ACACA: variants seen among roughly 807,000 people sequenced by gnomAD.
ACACA encodes acetyl-CoA carboxylase 1.
ACACA carries 103 observed loss-of-function variants against 296.1 expected under a neutral mutation model. The ratio of observed to expected loss-of-function variants is 0.35; its 90% CI spans 0.30 to 0.41. The LOEUF is 0.41. Among genes scored for constraint, ACACA ranks in the 10% least tolerant of loss-of-function variants. The pLI, the probability that ACACA is intolerant of heterozygous loss-of-function variation, is 1.00. For missense variants in ACACA, 1,554 were observed against 2,989.7 expected (o/e 0.52, Z 11.20); for synonymous variants, 953 against 1,038.6 (o/e 0.92, Z 1.58).
Position 37,405,960 on chromosome 17 carries a change from T to C in ACACA, c.38+302A>G, listed in dbSNP as rs1290141096. On this transcript the variant is annotated intron_variant, in intron 1 of 55. Coordinates refer to ENST00000616317, the MANE Select transcript of ACACA (RefSeq NM_198834.3). ...AGTGTAAGTGAATTCTAAAAAAAGGTTGGGCAAATTTATCAAAGGCAGACT... is the reference window on the plus strand; with the variant it reads ...AGTGTAAGTGAATTCTAAAAAAAGGCTGGGCAAATTTATCAAAGGCAGACT... Among the ~76,000 whole-genome samples, 3 of 145,970 alleles carry C rather than the reference T, an allele frequency of 2.1e-5. No homozygotes were observed. In the East Asian group the frequency reaches 6.1e-4, roughly 30 times the overall value.
chr17:37,093,102 G>C lies in ACACA; in HGVS notation c.6891+3894C>G, dbSNP rs111292528. On this transcript the variant is annotated intron_variant, in intron 54 of 55. Transcript: ENST00000616317. ...ACCTCCTCCCTGCCTGGCCCTGTGTGAGAAGTTTGGTGTATGAGACTTATT... is the reference window on the plus strand; with the variant it reads ...ACCTCCTCCCTGCCTGGCCCTGTGTCAGAAGTTTGGTGTATGAGACTTATT... Among the ~76,000 whole-genome samples, 533 of 152,314 alleles carry C rather than the reference G, an allele frequency of 3.5e-3. 2 individuals are homozygous for C. Among genetic ancestry groups the C allele is most frequent in the Non-Finnish European group, 5.4e-3 (369 of 68,030 alleles).
intron 55 of ACACA, among the ~76,000 whole-genome samples, chr17:37,088,631 C>T (rs1239211120): frequency 6.6e-6 from 1 of 152,184 alleles, no homozygotes; most frequent in African/African-American, 2.4e-5. Flanking sequence ...CCACCACACA[C>T]ACAATCAGCT....
intron 6 of ACACA, among the ~76,000 whole-genome samples, chr17:37,277,517 G>T (rs1028614964): frequency 6.6e-6 from 1 of 151,998 alleles, no homozygotes; most frequent in South Asian, 2.1e-4. Context: ...TCCTCTTTGG[G>T]CTTTAAGGTA....
At chr17:37,195,092 A>C (rs1371908868) in intron 35 of ACACA, among the ~76,000 whole-genome samples, 1 of 152,182 alleles carries the variant, frequency 6.6e-6, no homozygotes, top group Non-Finnish European at 1.5e-5. Context: ...CATTACCTAA[A>C]AAGTAACAAA....
At chr17:37,185,238 T>C (rs1435183322) in intron 39 of ACACA, among the ~76,000 whole-genome samples, 1 of 152,012 alleles carries the variant, frequency 6.6e-6, no homozygotes, top group Non-Finnish European at 1.5e-5. Flanking sequence ...AAAGGTGTTA[T>C]TTATTATTTT....
At chr17:37,276,929 G>T in intron 7 of ACACA, 104 bp downstream of exon 7, 2 of 956,680 alleles carry the variant, frequency 2.1e-6, no homozygotes, top group Non-Finnish European at 3.4e-6. Context: ...AAAAGAGAGA[G>T]AGAGCCCAGC....
intron 3 of ACACA, chr17:37,289,486 C>T (rs764843098): frequency 8.1e-6 from 11 of 1,351,858 alleles, no homozygotes; most frequent in Non-Finnish European, 1.1e-5. Context: ...TATCTTCAAC[C>T]CTCTAGGCAC....
At chr17:37,316,228 G>A (rs1287109556) in intron 3 of ACACA, among the ~76,000 whole-genome samples, 2 of 151,570 alleles carry the variant, frequency 1.3e-5, no homozygotes, top group Non-Finnish European at 2.9e-5. Context: ...TCAATGACTT[G>A]TAATTGCCTG....
intron 2 of ACACA, among the ~76,000 whole-genome samples, chr17:37,335,507 T>C (rs1408202315): frequency 1.3e-5 from 2 of 152,202 alleles, no homozygotes; most frequent in African/African-American, 4.8e-5. Flanking sequence ...TATCATTGTT[T>C]GAATGGCTCT....
chr17:37,150,447 C>G (rs897284215), intron 44 of ACACA, among the ~76,000 whole-genome samples: 2 of 151,884 alleles, frequency 1.3e-5, no homozygotes, highest in Non-Finnish European at 1.5e-5. Flanking sequence ...GAGGCCAAGG[C>G]AGGAAAACCA....
At chr17:37,153,600 A>G (rs1278180915) in intron 43 of ACACA, among the ~76,000 whole-genome samples, 10 of 152,208 alleles carry the variant, frequency 6.6e-5, no homozygotes, top group Admixed American at 2.6e-4. Context: ...GCAGACACAA[A>G]TATCTCATTA....
At position 37,274,249 on chromosome 17, in the gene ACACA, C is replaced by T. The variant is rs763658688; in HGVS notation, c.952G>A (p.Val318Ile). 3.7e-6 allele frequency: 6 copies of T among 1,614,196 alleles called. No homozygotes were observed. The South Asian group carries it at 6.6e-5, about 18-fold the overall frequency. Residue 318 changes from valine to isoleucine, a missense_variant, in exon 9 of 56, where the codon GTT (valine) becomes ATT (isoleucine). By Grantham distance (29) the Val-to-Ile change is conservative (BLOSUM62 3). Around this residue, in one of 16 missense-constraint regions of ACACA, gnomAD observed 47 missense variants for 55.4 expected, o/e 0.85. Coordinates refer to ENST00000616317, the MANE Select transcript of ACACA (RefSeq NM_198834.3). ...CCTTTTTCATATAGCTCCTGGGGAACATTTAAGATACGTTTTGAAAAATCA... is the reference window on the plus strand; with the variant it reads ...CCTTTTTCATATAGCTCCTGGGGAATATTTAAGATACGTTTTGAAAAATCA... ...ENDFSKRILN[V>I]PQELYEKGYV...
intron 35 of ACACA, among the ~76,000 whole-genome samples, chr17:37,194,514 T>C (rs1330620362): frequency 1.3e-5 from 2 of 152,208 alleles, no homozygotes; most frequent in African/African-American, 2.4e-5. Flanking sequence ...CCAGAGCCCA[T>C]GCCCTCTGAT....
intron 26 of ACACA, 122 bp downstream of exon 26, chr17:37,226,217 T>C: frequency 2.4e-6 from 2 of 834,038 alleles, no homozygotes; most frequent in South Asian, 2.7e-5. Flanking sequence ...GAGGAAAACG[T>C]GACACATATA....
In ACACA at chr17:37,122,573, T is replaced by C; in HGVS notation, c.6096A>G (p.Leu2032=). ...VVAVETRTVE[L]SIPADPANLD... ...GGTTTGCTGGATCAGCTGGGATACTTAGTTCTACTGTTCGGGTTTCTACAG... is the reference window on the plus strand; with the variant it reads ...GGTTTGCTGGATCAGCTGGGATACTCAGTTCTACTGTTCGGGTTTCTACAG... The change falls in exon 49 of 56, where the codon CTA becomes CTG. Residue 2032 remains leucine, a synonymous_variant. Coordinates refer to ENST00000616317, the MANE Select transcript of ACACA (RefSeq NM_198834.3). 1 of 1,614,204 alleles carries C rather than the reference T, an allele frequency of 6.2e-7. No homozygotes were observed. The highest frequency in any genetic ancestry group is 8.5e-7 in the Non-Finnish European group (1 of 1,180,020).
rs2083608567 is a variant in ACACA at position 37,301,369 on chromosome 17, G to A, written c.339-16399C>T. ...TAATCTACCATGAACAGTGTCCAAC[G>A]TAGACACATACCTGGCACAAAATCC... is the stretch of plus-strand genomic sequence containing the variant. On this transcript the variant is annotated intron_variant, in intron 3 of 55. Transcript: ENST00000616317. 1.5e-5 allele frequency: 15 copies of A among 985,066 alleles called. 1 individual carries two copies. The South Asian group carries it at 2.8e-4, about 19-fold the overall frequency. The allele number at this position is 985,066 out of a possible 1,614,324, so 61.0% of individuals were successfully genotyped here.
chr17:37,376,115 G>A, intron 1 of ACACA: 2 of 1,613,256 alleles, frequency 1.2e-6, no homozygotes, highest in Non-Finnish European at 1.7e-6. Flanking sequence ...TTGGTCTTCA[G>A]CCTAATCATT....
intron 48 of ACACA, among the ~76,000 whole-genome samples, chr17:37,123,132 G>T (rs529323356): frequency 1.3e-5 from 2 of 152,220 alleles, no homozygotes; most frequent in South Asian, 2.1e-4. Context: ...AAGATTTGAG[G>T]GTACAATAGG....
intron 54 of ACACA, among the ~76,000 whole-genome samples, chr17:37,092,322 G>C (rs771541744): frequency 6.6e-6 from 1 of 151,584 alleles, no homozygotes; most frequent in Non-Finnish European, 1.5e-5. Flanking sequence ...GTATTCCAGC[G>C]TGGACTTTAA....
Sources: allele counts gnomAD v4.1 joint callset (sites outside exome capture counted in the v4.1 genomes callset), GRCh38; gene constraint gnomAD v4.1.1; regional missense constraint gnomAD v4.1.1; transcripts MANE v1.5; gene names NCBI Gene and HGNC (gene_info 2026-07-23, HGNC 2026-07-21).